ABCA9: variants seen among roughly 807,000 people sequenced by gnomAD.
ABCA9 encodes ATP-binding cassette sub-family A member 9.
In ABCA9, 183 loss-of-function variants were observed where a neutral mutation model predicts 205.3. The observed-to-expected ratio is 0.89, with a 90% confidence interval of 0.79 to 1.01. The LOEUF is 1.01. ABCA9 is among the 50% of genes least tolerant of loss of function. The pLI is 0.00. For missense variants in ABCA9, 1,805 were observed against 1,912.4 expected, an observed-to-expected ratio of 0.94 and a Z score of 1.05; for synonymous variants, 651 against 683.3, an observed-to-expected ratio of 0.95 and a Z score of 0.74.
intron 26 of ABCA9, 78 bp downstream of exon 26, chr17:68,995,817 C>G: frequency 3.2e-6 from 5 of 1,555,426 alleles, no homozygotes; most frequent in Non-Finnish European, 4.4e-6. Context: ...AGGACTCTAT[C>G]TATATTTTTG....
At chr17:69,066,788 G>A in the ABCA9 span, among the ~76,000 whole-genome samples, 10 of 152,160 alleles carry the variant, frequency 6.6e-5, no homozygotes, top group African/African-American at 2.4e-4. Flanking sequence ...GATACTGTGA[G>A]GAGTCTTCAA....
chr17:69,030,232 A>C (rs888001710), intron 10 of ABCA9, among the ~76,000 whole-genome samples: 1 of 152,204 alleles, frequency 6.6e-6, no homozygotes, highest in South Asian at 2.1e-4. Flanking sequence ...TTTATTTCTT[A>C]TAGTTCTGAA....
intron 29 of ABCA9, among the ~76,000 whole-genome samples, chr17:68,990,462 GCCT>G (rs2069411212): frequency 1.3e-5 from 2 of 152,224 alleles, no homozygotes; most frequent in South Asian, 4.1e-4. Context: ...TCTCACTGTA[GCCT>G]TGAACTCTCA....
intron 21 of ABCA9, among the ~76,000 whole-genome samples, chr17:69,016,725 G>A (rs766792559): frequency 6.6e-6 from 1 of 152,070 alleles, no homozygotes; most frequent in Non-Finnish European, 1.5e-5. Context: ...GTTTCAAAAT[G>A]TGACACATTC....
At chr17:69,010,946 A>G (rs1217379688) in intron 23 of ABCA9, among the ~76,000 whole-genome samples, 1 of 152,196 alleles carries the variant, frequency 6.6e-6, no homozygotes, top group Non-Finnish European at 1.5e-5. Flanking sequence ...TGAAATATCT[A>G]TTACTCAGCT....
rs142934607 is a variant in ABCA9 at position 68,984,921 on chromosome 17, G to C, written c.4343C>G (p.Ser1448Trp). Residue 1448 changes from serine (S) to tryptophan (W), a missense_variant, in exon 34 of 39, where the codon TCG becomes TGG. Coordinates refer to ENST00000340001, the MANE Select transcript of ABCA9 (RefSeq NM_080283.4). ...CTGCCCCTCGGGGTCCATCCCGGTC[G>C]ACGGCTCATCCAGAAGCACCACTGA... Reference protein sequence around the residue: ...NPSVVLLDEPSTGMDPEGQQQ... With the variant: ...NPSVVLLDEPWTGMDPEGQQQ... The C allele has an allele frequency of 2.5e-6, 4 of 1,614,146 alleles. No individual in the cohort carries two copies. The highest frequency in any genetic ancestry group is 1.7e-5 in the Admixed American group (1 of 60,012).
intron 36 of ABCA9, 126 bp downstream of exon 36, chr17:68,983,583 T>C: frequency 7.5e-7 from 1 of 1,331,274 alleles, no homozygotes; most frequent in Non-Finnish European, 1.0e-6. Context: ...GAATTTCTCT[T>C]AAGTAAAGTA....
chr17:69,050,476 C>T (rs2071868385), intron 2 of ABCA9, among the ~76,000 whole-genome samples: 1 of 152,086 alleles, frequency 6.6e-6, no homozygotes. Context: ...GCACAAAGCA[C>T]ATCTAATCAT....
In ABCA9 at chr17:69,033,756, A is replaced by G. The variant is rs757521031; in HGVS notation, c.1246T>C (p.Leu416=). The change falls in exon 9 of 39, where the codon TTG becomes CTG. Residue 416 remains leucine, a synonymous_variant. Coordinates refer to ENST00000340001, the MANE Select transcript of ABCA9 (RefSeq NM_080283.4). ...LVFDTLLYLV[L]TLYFDKILPA... ...AAAATTTTGTCAAAATATAATGTCA[A>G]TACCAAATACAGAAGGGTGTCAAAA... 6.2e-7 allele frequency: 1 copy of G among 1,611,336 alleles called. No homozygotes were observed. The highest frequency in any genetic ancestry group is 8.5e-7 in the Non-Finnish European group (1 of 1,178,782).
rs8069698 is a variant in ABCA9, at chr17:69,015,363, C to T, written c.3039+890G>A. ...TGGCCAGGGTGTCATTTTCACCAGA[C>T]GAAGTGTGTTTCAACATAACAAGAT... On this transcript the variant is annotated intron_variant, in intron 22 of 38. Transcript: ENST00000340001. 3.3e-3 allele frequency among the ~76,000 whole-genome samples: 504 copies of T among 152,196 alleles called. 5 individuals carry two copies. The highest frequency in any genetic ancestry group is 0.012 in the African/African-American group (479 of 41,528).
At chr17:68,978,106 C>T (rs2068939334) in intron 37 of ABCA9, among the ~76,000 whole-genome samples, 2 of 152,152 alleles carry the variant, frequency 1.3e-5, no homozygotes, top group South Asian at 4.1e-4. Context: ...GAGTCTAAGT[C>T]TCTTTCTAGG....
intron 20 of ABCA9, 124 bp downstream of exon 20, chr17:69,018,289 T>C: frequency 1.2e-6 from 1 of 811,020 alleles, no homozygotes; most frequent in Non-Finnish European, 1.8e-6. Context: ...TTATTTTCTG[T>C]TTGGCCTCAT....
rs1190631649 is a variant in ABCA9 at position 69,033,805 on chromosome 17, T to G, written c.1197A>C (p.Ile399=). The change falls in exon 9 of 39, where the codon ATA becomes ATC. Residue 399 remains isoleucine, a synonymous_variant. Transcript: ENST00000340001. The part of the protein sequence containing the change: ...HLDSSQNPYL[I]IATLFMLVFD... ...AAACCAACATGAAAAGAGTAGCTAT[T>G]ATGAGGTATGGATTTTGTGAAGAAT... 1.2e-6 allele frequency: 2 copies of G among 1,608,452 alleles called. No individual in the cohort carries two copies. Among genetic ancestry groups the G allele is most frequent in the Non-Finnish European group, 1.7e-6 (2 of 1,175,290 alleles).
intron 8 of ABCA9, chr17:69,034,702 T>C (rs2071276883): frequency 6.6e-6 from 1 of 152,142 alleles, no homozygotes; most frequent in Non-Finnish European, 1.5e-5. Context: ...AGGAAGTCCA[T>C]TTCAGAGTGA....
At chr17:69,000,690 G>C (rs551951671) in intron 25 of ABCA9, among the ~76,000 whole-genome samples, 30 of 151,068 alleles carry the variant, frequency 2.0e-4, no homozygotes, top group African/African-American at 6.4e-4. Context: ...TGATGGGGAT[G>C]GCATTGAATC....
intron 31 of ABCA9, among the ~76,000 whole-genome samples, 173 bp downstream of exon 31, chr17:68,988,854 C>T (rs752172968): frequency 3.9e-5 from 6 of 152,064 alleles, no homozygotes; most frequent in Non-Finnish European, 8.8e-5. Context: ...GATATGTAGC[C>T]CTTCTCAGAA....
chr17:68,984,759 T>G (rs890608147), intron 34 of ABCA9, 126 bp downstream of exon 34: 1 of 1,267,702 alleles, frequency 7.9e-7, no homozygotes, highest in East Asian at 2.5e-5. Flanking sequence ...TCAGATAATT[T>G]TTTTTCCTAA....
Position 69,028,654 on chromosome 17 carries a change from ATT to A in ABCA9, c.1505-11_1505-10del. The A allele has an allele frequency of 6.9e-7, 1 of 1,456,942 alleles. No individual in the cohort carries two copies. The highest frequency in any genetic ancestry group is 9.3e-7 in the Non-Finnish European group (1 of 1,075,910). The allele number at this position is 1,456,942 out of a possible 1,614,324, so 90.3% of individuals were successfully genotyped here. On this transcript the variant is annotated splice_polypyrimidine_tract_variant and intron_variant, in intron 11 of 38. Coordinates refer to ENST00000340001, the MANE Select transcript of ABCA9 (RefSeq NM_080283.4). ...TATGTCAAACACCACACCTGGCATG[ATT>A]TTAAAAAAAATTACACTCAGAGCCT...
At chr17:69,029,435 T>G (rs1192889855) in intron 10 of ABCA9, among the ~76,000 whole-genome samples, 1 of 152,120 alleles carries the variant, frequency 6.6e-6, no homozygotes, top group Non-Finnish European at 1.5e-5. Flanking sequence ...ATCCCTGATC[T>G]TTCCAAAATG....
Sources: gnomAD v4.1 joint callset for allele counts (sites outside exome capture counted in the v4.1 genomes callset) on GRCh38, gnomAD v4.1.1 for gene constraint, MANE v1.5 for transcripts, NCBI Gene and HGNC (gene_info 2026-07-23, HGNC 2026-07-21) for gene names.